Variants in SLC45A2 observed in about 807,000 individuals in gnomAD.
SLC45A2 encodes the protein membrane-associated transporter protein.
In SLC45A2, 36 loss-of-function variants were observed where a neutral mutation model predicts 45.5. That is an observed-to-expected ratio of 0.79 (90% CI 0.61 to 1.04). The LOEUF (loss-of-function observed/expected upper bound fraction) is 1.04. SLC45A2 is among the 50% of genes least tolerant of loss of function. The probability of loss-of-function intolerance (pLI) is 0.00; values close to 1 mark genes in which losing one functional copy is unlikely to be tolerated. For missense variants in SLC45A2, 719 were observed against 671.0 expected (o/e 1.07, Z -0.79); for synonymous variants, 306 against 269.3 (o/e 1.14, Z -1.33).
intron 5 of SLC45A2, among the ~76,000 whole-genome samples, chr5:33,948,686 G>A (rs987457786): frequency 1.3e-5 from 2 of 152,300 alleles, no homozygotes; most frequent in East Asian, 1.9e-4. Context: ...ACAAAAATGA[G>A]AATAAAGCTA....
chr5:33,951,347 A>G, intron 5 of SLC45A2: 4 of 1,360,786 alleles, frequency 2.9e-6, no homozygotes, highest in Non-Finnish European at 3.9e-6. Flanking sequence ...GAGCAAAGTA[A>G]TCAGTGAGGA....
intron 6 of SLC45A2, chr5:33,946,838 C>T (rs1751943283): frequency 7.7e-7 from 1 of 1,300,086 alleles, no homozygotes; most frequent in South Asian, 1.8e-5. Flanking sequence ...ACCTGGGTCC[C>T]CCTTTTTTTG....
intron 5 of SLC45A2, 115 bp from the exon 6 acceptor site, chr5:33,947,489 C>T: frequency 9.9e-7 from 1 of 1,006,918 alleles, no homozygotes; most frequent in Non-Finnish European, 1.5e-6. Flanking sequence ...TGATACTGAG[C>T]CAGGAACAAA....
At chr5:33,983,733 T>G (rs1753148728) in intron 1 of SLC45A2, among the ~76,000 whole-genome samples, 1 of 152,258 alleles carries the variant, frequency 6.6e-6, no homozygotes, top group African/African-American at 2.4e-5. Context: ...GATGGGCTTA[T>G]GCCCTACGCC....
At chr5:33,947,581 T>A (rs1379679602) in intron 5 of SLC45A2, among the ~76,000 whole-genome samples, 1 of 152,200 alleles carries the variant, frequency 6.6e-6, no homozygotes, top group Non-Finnish European at 1.5e-5. Context: ...AGCTTGAAAT[T>A]GCCTTGGTAG....
intron 4 of SLC45A2, among the ~76,000 whole-genome samples, chr5:33,952,456 G>C (rs867107225): frequency 1.3e-5 from 2 of 151,212 alleles, no homozygotes; most frequent in African/African-American, 4.9e-5. Flanking sequence ...ATGCATTTAC[G>C]TGTCCTATTC....
chr5:33,955,508 G>A (rs1752247234), intron 3 of SLC45A2, among the ~76,000 whole-genome samples: 2 of 152,176 alleles, frequency 1.3e-5, no homozygotes, highest in Admixed American at 1.3e-4. Context: ...CAGAGAGCCA[G>A]TCAGCTCCCT....
At chr5:33,960,881 C>T (rs866793454) in intron 3 of SLC45A2, among the ~76,000 whole-genome samples, 2 of 152,162 alleles carry the variant, frequency 1.3e-5, no homozygotes, top group South Asian at 2.1e-4. Flanking sequence ...GTACATGGTT[C>T]TCTATGATGT....
At chr5:33,952,362 AT>A (rs111372186) in intron 4 of SLC45A2, among the ~76,000 whole-genome samples, 9,552 of 142,282 alleles carry the variant, frequency 0.067, 607 homozygotes, top group African/African-American at 0.17. Flanking sequence ...TATTTGTTGT[AT>A]TTTTTTTTTT....
chr5:33,979,643 C>T (rs556817174), intron 2 of SLC45A2, among the ~76,000 whole-genome samples: 3 of 152,124 alleles, frequency 2.0e-5, no homozygotes, highest in Admixed American at 2.0e-4. Context: ...GCTATGTTAT[C>T]ATGTTAATAC....
At chr5:33,953,143 G>A (rs1470247422) in intron 4 of SLC45A2, among the ~76,000 whole-genome samples, 7 of 149,150 alleles carry the variant, frequency 4.7e-5, no homozygotes, top group East Asian at 2.0e-4. Context: ...GAATAGTGCC[G>A]CAGTAAACAT....
At chr5:33,970,622 G>C (rs940042814) in intron 2 of SLC45A2, among the ~76,000 whole-genome samples, 1 of 152,166 alleles carries the variant, frequency 6.6e-6, no homozygotes, top group Non-Finnish European at 1.5e-5. Context: ...CCACTAACCA[G>C]CTGTGTGACC....
At chr5:33,966,435 T>C (rs953599622) in intron 2 of SLC45A2, among the ~76,000 whole-genome samples, 2 of 142,752 alleles carry the variant, frequency 1.4e-5, no homozygotes, top group African/African-American at 5.2e-5. Flanking sequence ...TTCTTTTTTT[T>C]TTTTTTTTTT....
intron 2 of SLC45A2, chr5:33,970,872 C>A: frequency 2.9e-6 from 1 of 346,416 alleles, no homozygotes. Context: ...CATGGTGGAC[C>A]CTAGAGATAA....
chr5:33,946,875 T>G, intron 6 of SLC45A2: 1 of 1,375,718 alleles, frequency 7.3e-7, no homozygotes, highest in South Asian at 1.6e-5. Flanking sequence ...GGCTGGTTTC[T>G]CAGCCTCACC....
chr5:33,962,654 T>G (rs1181768003), intron 3 of SLC45A2, among the ~76,000 whole-genome samples: 3 of 152,200 alleles, frequency 2.0e-5, no homozygotes, highest in Non-Finnish European at 4.4e-5. Flanking sequence ...ACGAAACCCT[T>G]GTAGGTAGAT....
intron 2 of SLC45A2, among the ~76,000 whole-genome samples, chr5:33,968,860 T>G (rs1004602994): frequency 6.6e-6 from 1 of 152,134 alleles, no homozygotes; most frequent in Admixed American, 6.5e-5. Flanking sequence ...GTTTGCTACT[T>G]TACCTCTGAA....
chr5:33,954,605 C>A, intron 3 of SLC45A2, 101 bp from the exon 4 acceptor site: 2 of 1,522,470 alleles, frequency 1.3e-6, no homozygotes, highest in Non-Finnish European at 1.8e-6. Flanking sequence ...GTCAGTCAGC[C>A]ATCACACAAA....
At chr5:33,956,817 C>T (rs1752290325) in intron 3 of SLC45A2, among the ~76,000 whole-genome samples, 1 of 152,088 alleles carries the variant, frequency 6.6e-6, no homozygotes, top group South Asian at 2.1e-4. Flanking sequence ...CTCCAGGACC[C>T]CCAGTTCTTT....
Sources: gnomAD v4.1 joint callset for allele counts (sites outside exome capture counted in the v4.1 genomes callset) on GRCh38, gnomAD v4.1.1 for gene constraint, MANE v1.5 for transcripts, NCBI Gene and HGNC (gene_info 2026-07-23, HGNC 2026-07-21) for gene names.